FAT3: variants seen among roughly 807,000 people sequenced by gnomAD.
The protein encoded by FAT3 is protocadherin Fat 3.
A neutral mutation model predicts 310.2 loss-of-function variants in FAT3; 95 were observed. That is an observed-to-expected ratio of 0.31 (90% CI 0.26 to 0.36). FAT3 has a LOEUF of 0.36. Ranked by LOEUF, FAT3 falls within the 10% of genes least tolerant of loss-of-function variation. FAT3 has a pLI of 1.00. For missense variants in FAT3, 5,408 were observed against 5,715.6 expected, an observed-to-expected ratio of 0.95 and a Z score of 1.74; for synonymous variants, 2,314 against 2,192.9, an observed-to-expected ratio of 1.06 and a Z score of -1.54.
chr11:92,318,576 T>TAAACTCCTTGAAGA (rs1449718696), intron 1 of FAT3, among the ~76,000 whole-genome samples: 1 of 152,178 alleles, frequency 6.6e-6, no homozygotes, highest in East Asian at 1.9e-4. Flanking sequence ...TCCTAGGAGA[T>TAAACTCCTTGAAGA]AAACTCCTTG....
chr11:92,578,027 TCAA>T (rs1299982340), intron 3 of FAT3, among the ~76,000 whole-genome samples: 5 of 152,062 alleles, frequency 3.3e-5, no homozygotes, highest in African/African-American at 1.2e-4. Flanking sequence ...TAGAAATAAG[TCAA>T]CAAATATTTA....
At chr11:92,400,082 A>T (rs891402494) in intron 2 of FAT3, 1 of 152,210 alleles carries the variant, frequency 6.6e-6, no homozygotes, top group Non-Finnish European at 1.5e-5. Context: ...GGGAAAATAC[A>T]CTTCGCAGTG....
intron 3 of FAT3, among the ~76,000 whole-genome samples, chr11:92,556,094 G>A (rs1045904392): frequency 1.3e-5 from 2 of 152,158 alleles, no homozygotes; most frequent in African/African-American, 2.4e-5. Context: ...AACAAATGTT[G>A]GCTATGATGA....
chr11:92,700,731 A>C (rs149784511), intron 4 of FAT3, among the ~76,000 whole-genome samples: 1 of 152,116 alleles, frequency 6.6e-6, no homozygotes, highest in Non-Finnish European at 1.5e-5. Flanking sequence ...ATTTCATTTA[A>C]TAAATCTGCT....
At chr11:92,526,573 T>C (rs1296164356) in intron 3 of FAT3, among the ~76,000 whole-genome samples, 1 of 152,124 alleles carries the variant, frequency 6.6e-6, no homozygotes, top group East Asian at 1.9e-4. Context: ...TAGGAATGAA[T>C]AGAAAAAATA....
intron 16 of FAT3, 76 bp from the exon 17 acceptor site, chr11:92,837,587 C>T: frequency 6.5e-7 from 1 of 1,548,494 alleles, no homozygotes; most frequent in Non-Finnish European, 8.8e-7. Flanking sequence ...CAGCCTGTAG[C>T]TCCAGTTCCT....
chr11:92,584,115 G>T (rs1459537515), intron 3 of FAT3, among the ~76,000 whole-genome samples: 1 of 152,000 alleles, frequency 6.6e-6, no homozygotes. Flanking sequence ...TTTTTGAGAA[G>T]ATTAAGGGAA....
chr11:92,315,479 G>GTATA (rs1168085335), intron 1 of FAT3, among the ~76,000 whole-genome samples: 712 of 64,930 alleles, frequency 0.011, 9 homozygotes, highest in Non-Finnish European at 0.015. Context: ...GTGTGTGTGT[G>GTATA]TATATATATA....
chr11:92,366,786 G>C (rs17512739), intron 2 of FAT3: 3 of 530,992 alleles, frequency 5.6e-6, no homozygotes, highest in Admixed American at 1.9e-5. Flanking sequence ...GTGTCCTTCA[G>C]ATGCTCACAG....
chr11:92,840,174 G>A (rs775401414), intron 17 of FAT3, among the ~76,000 whole-genome samples: 1 of 152,174 alleles, frequency 6.6e-6, no homozygotes, highest in Non-Finnish European at 1.5e-5. Context: ...ACATGTGTGT[G>A]TGAGGAAGTG....
At position 92,352,937 on chromosome 11, in the gene FAT3, G is replaced by A. The variant is rs371300883; in HGVS notation, c.825G>A (p.Ser275=). ...ATGTAGTCACTCATGTTCCTTTCTCGTTGGAAAAAGAGCCAACATATGCAG... is the reference window on the plus strand; with the variant it reads ...ATGTAGTCACTCATGTTCCTTTCTCATTGGAAAAAGAGCCAACATATGCAG... ...TIHVVTHVPF[S]LEKEPTYAVV... The change falls in exon 2 of 28, where the codon TCG becomes TCA. Residue 275 remains serine (S), a synonymous_variant. Coordinates refer to ENST00000525166, the MANE Select transcript of FAT3 (RefSeq NM_001367949.2). 333 of 1,613,670 alleles carry A rather than the reference G, an allele frequency of 2.1e-4. No homozygotes were observed. Among genetic ancestry groups the A allele is most frequent in the Non-Finnish European group, 2.6e-4 (311 of 1,179,852 alleles).
intron 18 of FAT3, among the ~76,000 whole-genome samples, chr11:92,841,464 G>T (rs1365487142): frequency 6.6e-6 from 1 of 152,158 alleles, no homozygotes; most frequent in African/African-American, 2.4e-5. Flanking sequence ...TATAGCATTG[G>T]CTTAAATATA....
intron 7 of FAT3, among the ~76,000 whole-genome samples, chr11:92,781,018 T>A (rs1481910788): frequency 6.6e-6 from 1 of 151,844 alleles, no homozygotes; most frequent in Admixed American, 6.6e-5. Context: ...ATATGATACC[T>A]GGTATTTATA....
intron 2 of FAT3, among the ~76,000 whole-genome samples, chr11:92,437,130 T>A (rs904127691): frequency 2.0e-5 from 3 of 152,218 alleles, no homozygotes; most frequent in Non-Finnish European, 4.4e-5. Context: ...CTTGAAATCT[T>A]ATTTACCTAA....
At chr11:92,503,589 C>T (rs898024672) in intron 2 of FAT3, among the ~76,000 whole-genome samples, 3 of 152,092 alleles carry the variant, frequency 2.0e-5, no homozygotes, top group Non-Finnish European at 4.4e-5. Flanking sequence ...GCTGAACTCT[C>T]ATTGTGCCAC....
intron 1 of FAT3, among the ~76,000 whole-genome samples, chr11:92,339,963 T>G (rs2134577047): frequency 6.6e-6 from 1 of 151,686 alleles, no homozygotes; most frequent in Non-Finnish European, 1.5e-5. Context: ...ATACAAAAAA[T>G]TAGCCAGGCG....
chr11:92,836,732 CA>C, intron 16 of FAT3, 29 bp downstream of exon 16: 1 of 1,600,212 alleles, frequency 6.2e-7, no homozygotes, highest in Non-Finnish European at 8.5e-7. Context: ...GTTTCCTTCC[CA>C]TCCACATCCA....
At chr11:92,604,929 A>T (rs544837083) in intron 3 of FAT3, among the ~76,000 whole-genome samples, 4 of 152,332 alleles carry the variant, frequency 2.6e-5, no homozygotes, top group African/African-American at 7.2e-5. Context: ...ATGTTTCCTC[A>T]TCTGTAAATA....
chr11:92,668,686 T>C lies in FAT3; in HGVS notation c.3608-28698T>C, dbSNP rs1304660953. Among the ~76,000 whole-genome samples, 3 of 152,212 alleles carry C rather than the reference T, an allele frequency of 2.0e-5. No homozygotes were observed. The South Asian group carries it at 6.2e-4, about 32-fold the overall frequency. ...TCATGAGATTTAGAATAAATGTATG[T>C]CAAATTCCTAGCACCATGGATGACA... On this transcript the variant is annotated intron_variant, in intron 3 of 27. Transcript: ENST00000525166.
Sources: gnomAD v4.1 joint callset for allele counts (sites outside exome capture counted in the v4.1 genomes callset) on GRCh38, gnomAD v4.1.1 for gene constraint, MANE v1.5 for transcripts, NCBI Gene and HGNC (gene_info 2026-07-23, HGNC 2026-07-21) for gene names.